Variants in CFAP61 observed in about 807,000 individuals in gnomAD.
The protein encoded by CFAP61 is cilia- and flagella-associated protein 61.
A neutral mutation model predicts 135.6 loss-of-function variants in CFAP61; 107 were observed. That is an observed-to-expected ratio of 0.79 (90% CI 0.67 to 0.93). The LOEUF (loss-of-function observed/expected upper bound fraction) is 0.93, where lower values mean the gene tolerates loss of function less well. CFAP61 is among the 40% of genes least tolerant of loss of function. The pLI is 0.00. For synonymous variants in CFAP61, 575 were observed against 578.5 expected (o/e 0.99, Z 0.09); for missense variants, 1,507 against 1,556.2 (o/e 0.97, Z 0.53).
intron 22 of CFAP61, among the ~76,000 whole-genome samples, chr20:20,286,272 T>C (rs184158887): frequency 5.8e-4 from 89 of 152,348 alleles, no homozygotes; most frequent in Admixed American, 4.4e-3. Context: ...TAGTGGCGCC[T>C]CCTGGGCTCT....
At chr20:20,357,177 G>A (rs1307518024) in intron 26 of CFAP61, among the ~76,000 whole-genome samples, 2 of 96,964 alleles carry the variant, frequency 2.1e-5, no homozygotes, top group African/African-American at 7.0e-5. Flanking sequence ...TCACACTGAG[G>A]GGAGGTGGTC....
intron 25 of CFAP61, among the ~76,000 whole-genome samples, chr20:20,330,280 A>C (rs796999337): frequency 1.6e-4 from 25 of 152,314 alleles, no homozygotes; most frequent in African/African-American, 5.1e-4. Context: ...CATTATCTTC[A>C]AAATTCAGTG....
At position 20,119,698 on chromosome 20, in the gene CFAP61, C is replaced by T. The variant is rs572991400; in HGVS notation, c.859+20884C>T. On this transcript the variant is annotated intron_variant, in intron 8 of 26. Coordinates refer to ENST00000245957, the MANE Select transcript of CFAP61 (RefSeq NM_015585.4). The stretch of plus-strand genomic sequence containing the variant: ...TGTGTAGGTTTGTTACATAGGTAAA[C>T]TCATGTCATGGGGGTTTGTTGGACA... Among the ~76,000 whole-genome samples, 203 of 152,192 alleles carry T rather than the reference C, an allele frequency of 1.3e-3. 1 individual carries two copies. Among genetic ancestry groups the T allele is most frequent in the African/African-American group, 4.2e-3 (174 of 41,526 alleles).
chr20:20,329,049 G>A (rs2057875802), intron 25 of CFAP61, among the ~76,000 whole-genome samples: 2 of 152,082 alleles, frequency 1.3e-5, no homozygotes, highest in Admixed American at 6.5e-5. Context: ...GTTTTTGGCT[G>A]GTAGGAATCA....
intron 6 of CFAP61, among the ~76,000 whole-genome samples, chr20:20,084,102 A>G (rs552768835): frequency 1.2e-4 from 19 of 152,312 alleles, no homozygotes; most frequent in South Asian, 1.2e-3. Context: ...CTCCTACCCC[A>G]TGTTGAGATG....
chr20:20,170,583 A>T (rs958467430), intron 13 of CFAP61, among the ~76,000 whole-genome samples: 1 of 152,196 alleles, frequency 6.6e-6, no homozygotes, highest in African/African-American at 2.4e-5. Context: ...ATTTCATTGT[A>T]TGTAAATTAG....
intron 21 of CFAP61, among the ~76,000 whole-genome samples, chr20:20,268,239 C>T (rs1407526134): frequency 1.3e-5 from 2 of 152,244 alleles, no homozygotes; most frequent in Non-Finnish European, 2.9e-5. Context: ...TCGTGTCCCA[C>T]TGGCTGTGGT....
chr20:20,218,311 CT>C (rs1216076441), intron 17 of CFAP61, among the ~76,000 whole-genome samples: 2 of 152,196 alleles, frequency 1.3e-5, no homozygotes, highest in African/African-American at 4.8e-5. Flanking sequence ...GGGGTTTCTA[CT>C]TTTGCTTCTT....
intron 1 of CFAP61, 127 bp downstream of exon 1, chr20:20,052,718 G>A: frequency 1.9e-6 from 3 of 1,608,548 alleles, no homozygotes; most frequent in African/African-American, 1.3e-5. Context: ...TCGAGCCGTG[G>A]CGCCCTGCAA....
intron 22 of CFAP61, among the ~76,000 whole-genome samples, chr20:20,286,119 C>T (rs538810405): frequency 2.5e-4 from 38 of 151,760 alleles, no homozygotes; most frequent in African/African-American, 8.7e-4. Flanking sequence ...CTTTTAAATA[C>T]TAATAAGAAT....
chr20:20,158,349 GA>G (rs58068878), intron 9 of CFAP61, among the ~76,000 whole-genome samples: 54,343 of 101,884 alleles, frequency 0.53, 11,388 homozygotes, highest in Middle Eastern at 0.59. Flanking sequence ...GTGGACCTTT[GA>G]AAAAAAAAAA....
intron 25 of CFAP61, among the ~76,000 whole-genome samples, chr20:20,314,524 ATTATTAT>A (rs1333739812): frequency 3.5e-5 from 5 of 143,758 alleles, no homozygotes; most frequent in Non-Finnish European, 6.0e-5. Context: ...TTTTTTTATT[ATTATTAT>A]TTATTTTTTT....
intron 2 of CFAP61, among the ~76,000 whole-genome samples, chr20:20,066,661 G>T (rs966390705): frequency 5.3e-5 from 8 of 152,090 alleles, no homozygotes; most frequent in Non-Finnish European, 1.0e-4. Flanking sequence ...GGAACATCAC[G>T]CACCAGGGCC....
chr20:20,188,047 C>T lies in CFAP61; in HGVS notation c.1503C>T (p.Arg501=), dbSNP rs1555901379. 3 of 1,614,176 alleles carry T rather than the reference C, an allele frequency of 1.9e-6. No individual in the cohort carries two copies. Among genetic ancestry groups the T allele is most frequent in the Non-Finnish European group, 2.5e-6 (3 of 1,180,022 alleles). ...ACTTAGACCGTTACAACAAGGCTCGCAAAGACCCTGTAAGTACCTGTTGTG... is the reference window on the plus strand; with the variant it reads ...ACTTAGACCGTTACAACAAGGCTCGTAAAGACCCTGTAAGTACCTGTTGTG... The part of the protein sequence containing the change: ...LEDLDRYNKA[R]KDPDGTLLQA... Residue 501 remains arginine (R), a synonymous_variant, in exon 14 of 27, where the codon CGC becomes CGT. Coordinates refer to ENST00000245957, the MANE Select transcript of CFAP61 (RefSeq NM_015585.4).
At chr20:20,189,323 G>A (rs1433409056) in intron 14 of CFAP61, among the ~76,000 whole-genome samples, 1 of 152,098 alleles carries the variant, frequency 6.6e-6, no homozygotes, top group Non-Finnish European at 1.5e-5. Flanking sequence ...GGCCCTCTAA[G>A]TGGTATGAGG....
intron 9 of CFAP61, among the ~76,000 whole-genome samples, chr20:20,149,908 A>G (rs943287701): frequency 6.6e-6 from 1 of 152,192 alleles, no homozygotes; most frequent in Non-Finnish European, 1.5e-5. Context: ...CACAGCCAGC[A>G]GTGTGGGGAG....
chr20:20,243,873 GTACAGGCATTGGGTAAA>G (rs1363466215), intron 18 of CFAP61, among the ~76,000 whole-genome samples: 1 of 152,170 alleles, frequency 6.6e-6, no homozygotes, highest in Non-Finnish European at 1.5e-5. Context: ...TACAGTGGGG[GTACAGGCATTGGGTAAA>G]TACAGCCATT....
chr20:20,277,329 G>T lies in CFAP61; in HGVS notation c.2667G>T (p.Ala889=), dbSNP rs769215006. ...CGGTGGAGAGCGCCGTGGCGGACGC[G>T]CTAGGAGCCGCCGGAGTCACTATGT... is the stretch of plus-strand genomic sequence containing the variant. ...NYSVESAVAD[A]LGAAGVTMYR... is the part of the protein sequence containing the mutation. Residue 889 remains alanine (A), a synonymous_variant, in exon 22 of 27, where the codon GCG becomes GCT. Transcript: ENST00000245957. The T allele has an allele frequency of 5.6e-6, 9 of 1,614,034 alleles. No individual in the cohort carries two copies. Among genetic ancestry groups the T allele is most frequent in the Admixed American group, 1.7e-5 (1 of 59,998 alleles).
chr20:20,166,562 C>T (rs1294689704), intron 12 of CFAP61, 126 bp downstream of exon 12: 8 of 733,400 alleles, frequency 1.1e-5, no homozygotes, highest in Non-Finnish European at 1.7e-5. Flanking sequence ...GGTCAAATGG[C>T]ATGTCATGAG....
Sources: allele counts gnomAD v4.1 joint callset (sites outside exome capture counted in the v4.1 genomes callset), GRCh38; gene constraint gnomAD v4.1.1; transcripts MANE v1.5; gene names NCBI Gene and HGNC (gene_info 2026-07-23, HGNC 2026-07-21).